Variants in CDH4 observed in about 807,000 individuals in gnomAD.
CDH4 encodes cadherin-4.
Under a neutral mutation model 86.0 loss-of-function variants are expected in CDH4, and 33 were observed. The ratio of observed to expected loss-of-function variants is 0.38; its 90% CI spans 0.29 to 0.51. The LOEUF (loss-of-function observed/expected upper bound fraction) is 0.51. CDH4 is among the 20% of genes least tolerant of loss of function. CDH4 has a pLI of 0.86. For synonymous variants in CDH4, 555 were observed against 549.4 expected (o/e 1.01, Z -0.14); for missense variants, 1,114 against 1,307.4 (o/e 0.85, Z 2.28).
At chr20:61,718,311 T>G (rs2145908440) in intron 2 of CDH4, 2 of 166,228 alleles carry the variant, frequency 1.2e-5, no homozygotes, top group East Asian at 3.1e-4. Context: ...TGTAAGGCGC[T>G]GCCAAGCCAC....
intron 4 of CDH4, among the ~76,000 whole-genome samples, chr20:61,797,472 C>T (rs966122374): frequency 6.6e-6 from 1 of 152,218 alleles, no homozygotes; most frequent in Non-Finnish European, 1.5e-5. Context: ...CAAAACAAAA[C>T]AAAACCACAC....
intron 9 of CDH4, among the ~76,000 whole-genome samples, chr20:61,914,621 C>A (rs1294117372): frequency 1.3e-5 from 2 of 149,874 alleles, no homozygotes; most frequent in Non-Finnish European, 2.9e-5. Flanking sequence ...GGCTTGGAGA[C>A]CTGCCATGCT....
At chr20:61,673,205 A>G (rs1204351013) in intron 2 of CDH4, among the ~76,000 whole-genome samples, 18 of 152,148 alleles carry the variant, frequency 1.2e-4, no homozygotes, top group Admixed American at 9.8e-4. Flanking sequence ...AGTGACCTCT[A>G]GAGCGCTGAG....
chr20:61,373,647 G>C (rs1427194015), intron 2 of CDH4, among the ~76,000 whole-genome samples: 1 of 152,156 alleles, frequency 6.6e-6, no homozygotes, highest in Non-Finnish European at 1.5e-5. Context: ...CCGATGACCA[G>C]ACTTACACCT....
chr20:61,601,589 C>G (rs1486767726), intron 2 of CDH4, among the ~76,000 whole-genome samples: 2 of 152,222 alleles, frequency 1.3e-5, no homozygotes, highest in African/African-American at 2.4e-5. Context: ...ACCATGCACC[C>G]TCTGCCCTCC....
chr20:61,678,253 A>G (rs2087468978), intron 2 of CDH4, among the ~76,000 whole-genome samples: 1 of 152,148 alleles, frequency 6.6e-6, no homozygotes, highest in Non-Finnish European at 1.5e-5. Flanking sequence ...GGATAGATAG[A>G]TGGATGATAG....
At chr20:61,364,870 G>C (rs1032648111) in intron 2 of CDH4, among the ~76,000 whole-genome samples, 2 of 152,218 alleles carry the variant, frequency 1.3e-5, no homozygotes, top group African/African-American at 4.8e-5. Context: ...AGTGGTGACA[G>C]CACCTGTTGG....
intron 2 of CDH4, among the ~76,000 whole-genome samples, chr20:61,581,119 G>A (rs1186996117): frequency 1.3e-5 from 2 of 152,166 alleles, no homozygotes; most frequent in African/African-American, 2.4e-5. Flanking sequence ...CCCAGGAGTC[G>A]CCTTGCTTCC....
In CDH4 at chr20:61,304,479, T is replaced by G. The variant is rs560392777; in HGVS notation, c.169+49542T>G. ...CTGGAGGACAGGACGCCTTTGGTCG[T>G]GTTGTGTGTGTGTGAATGTGTGTGT... is the stretch of plus-strand genomic sequence containing the variant. On this transcript the variant is annotated intron_variant, in intron 2 of 15. Coordinates refer to ENST00000614565, the MANE Select transcript of CDH4 (RefSeq NM_001794.5). Among the ~76,000 whole-genome samples the G allele has an allele frequency of 2.0e-5, 3 of 152,254 alleles. No homozygotes were observed. The South Asian group carries it at 6.2e-4, about 32-fold the overall frequency.
At chr20:61,771,944 C>T (rs770018648) in intron 3 of CDH4, among the ~76,000 whole-genome samples, 1 of 152,094 alleles carries the variant, frequency 6.6e-6, no homozygotes, top group African/African-American at 2.4e-5. Context: ...CAAAAGGGAC[C>T]GTCCTTTTTG....
intron 6 of CDH4, among the ~76,000 whole-genome samples, chr20:61,862,933 G>A (rs1050828388): frequency 6.6e-6 from 1 of 152,092 alleles, no homozygotes. Flanking sequence ...TTCTATTAGT[G>A]GGCCCCGTTT....
At chr20:61,737,728 G>A (rs1041760725) in intron 2 of CDH4, among the ~76,000 whole-genome samples, 9 of 152,222 alleles carry the variant, frequency 5.9e-5, no homozygotes, top group Admixed American at 4.6e-4. Flanking sequence ...GACAGCAGCC[G>A]ACATCCACCC....
chr20:61,900,620 A>T (rs943453813), intron 8 of CDH4, among the ~76,000 whole-genome samples: 5 of 152,182 alleles, frequency 3.3e-5, no homozygotes, highest in Non-Finnish European at 5.9e-5. Flanking sequence ...GACACACAGA[A>T]ACTTGAGGTC....
intron 2 of CDH4, among the ~76,000 whole-genome samples, chr20:61,588,929 G>A (rs772653161): frequency 1.3e-5 from 2 of 152,186 alleles, no homozygotes; most frequent in Non-Finnish European, 2.9e-5. Context: ...CGCTCCGAGC[G>A]CACTGTTGGC....
chr20:61,769,610 C>A lies in CDH4; in HGVS notation c.397-3393C>A, dbSNP rs1038400576. ...CACTCCTGGCGTCCGAATCCTGCCT[C>A]TGCTGAACGGGCTGCATGGGCTTCA... On this transcript the variant is annotated intron_variant, in intron 3 of 15. Transcript: ENST00000614565. 1.3e-5 allele frequency among the ~76,000 whole-genome samples: 2 copies of A among 152,342 alleles called. 1 individual carries two copies.
intron 2 of CDH4, among the ~76,000 whole-genome samples, chr20:61,471,782 G>T (rs1331891379): frequency 6.6e-6 from 1 of 151,832 alleles, no homozygotes; most frequent in African/African-American, 2.4e-5. Flanking sequence ...CATTATTCAG[G>T]AGCCTAGTGT....
intron 2 of CDH4, among the ~76,000 whole-genome samples, chr20:61,679,946 G>A (rs548374723): frequency 1.9e-4 from 29 of 151,926 alleles, no homozygotes; most frequent in African/African-American, 7.0e-4. Flanking sequence ...CCAGGGCCTC[G>A]GGTAGCCTGA....
chr20:61,444,316 T>A (rs1172427194), intron 2 of CDH4, among the ~76,000 whole-genome samples: 1 of 140,850 alleles, frequency 7.1e-6, no homozygotes, highest in African/African-American at 2.7e-5. Context: ...TGTATTTTTG[T>A]GTATCTGCAC....
rs112521593 is a variant in CDH4 at position 61,421,790 on chromosome 20, C to T, written c.169+166853C>T. Among the ~76,000 whole-genome samples the T allele has an allele frequency of 2.3e-3, 343 of 152,316 alleles. 2 individuals carry two copies. In the East Asian group the frequency reaches 0.023, roughly 10 times the overall value. The stretch of plus-strand genomic sequence containing the variant: ...GCAGTGGCCCCCATCATTTGTCCAG[C>T]GCTGGCTGATGGAGGCCCACTGGGT... On this transcript the variant is annotated intron_variant, in intron 2 of 15. Coordinates refer to ENST00000614565, the MANE Select transcript of CDH4 (RefSeq NM_001794.5).
Sources: gnomAD v4.1 joint callset for allele counts (sites outside exome capture counted in the v4.1 genomes callset) on GRCh38, gnomAD v4.1.1 for gene constraint, MANE v1.5 for transcripts, NCBI Gene and HGNC (gene_info 2026-07-23, HGNC 2026-07-21) for gene names.